The following RELN variants were observed in gnomAD, a reference collection of about 807,000 sequenced individuals.
RELN encodes the protein reelin.
A neutral mutation model predicts 427.6 loss-of-function variants in RELN; 108 were observed. That is an observed-to-expected ratio of 0.25 (90% CI 0.22 to 0.30). The LOEUF is 0.30. Ranked by LOEUF, RELN falls within the 10% of genes least tolerant of loss-of-function variation. RELN has a pLI of 1.00. For missense variants in RELN, 3,715 were observed against 4,302.8 expected (o/e 0.86, Z 3.82); for synonymous variants, 1,524 against 1,513.4 (o/e 1.01, Z -0.16).
At position 103,563,879 on chromosome 7, in the gene RELN, C is replaced by T. The variant is rs1031348737; in HGVS notation, c.5210+1399G>A. On this transcript the variant is annotated intron_variant, in intron 34 of 64. Transcript: ENST00000428762. This position sits in a 1 kb window ranked among gnomAD's most constrained non-coding sequence, Gnocchi z 4.1. ...GTATTTAGTATAGCAATATGCTGTA[C>T]AGCTTTGTAGCTGAGGAGCAATAGG... Among the ~76,000 whole-genome samples, 1 of 152,186 alleles carries T rather than the reference C, an allele frequency of 6.6e-6. No homozygotes were observed. Among genetic ancestry groups the T allele is most frequent in the African/African-American group, 2.4e-5 (1 of 41,446 alleles).
At chr7:103,855,547 G>C (rs1793925443) in intron 2 of RELN, among the ~76,000 whole-genome samples, 1 of 152,162 alleles carries the variant, frequency 6.6e-6, no homozygotes, top group Admixed American at 6.5e-5. Context: ...AAGAAGAGAG[G>C]CAGAAAGGAT....
At chr7:103,905,672 CCACAGGAGTGAAGATGACTT>C (rs11269380) in intron 2 of RELN, among the ~76,000 whole-genome samples, 136,763 of 150,778 alleles carry the variant, frequency 0.91, 62,266 homozygotes, top group East Asian at 1. Context: ...TGGTAATGTG[CCACAGGAGTGAAGATGACTT>C]CACAGGAGTG....
intron 3 of RELN, among the ~76,000 whole-genome samples, chr7:103,811,568 C>T (rs1363329211): frequency 3.9e-5 from 6 of 152,140 alleles, no homozygotes; most frequent in South Asian, 4.1e-4. Context: ...GTGCATAGCA[C>T]GGGCCTATAA....
rs1427803899 is a variant in RELN at position 103,495,916 on chromosome 7, A to G, written c.9194-18T>C. On this transcript the variant is annotated intron_variant, in intron 56 of 64. Transcript: ENST00000428762. ...AGTGCCTTCTGTTAAGGAAAATTGG[A>G]AGCAATATGGCATATTATTCTCTTG... 1.9e-6 allele frequency: 3 copies of G among 1,613,068 alleles called. No individual in the cohort carries two copies. Among genetic ancestry groups the G allele is most frequent in the African/African-American group, 2.7e-5 (2 of 74,906 alleles).
intron 6 of RELN, among the ~76,000 whole-genome samples, chr7:103,745,642 A>G (rs1297624642): frequency 1.3e-5 from 2 of 151,408 alleles, no homozygotes; most frequent in Non-Finnish European, 2.9e-5. Context: ...AGAGAGCCAA[A>G]TCATGAGTGA....
chr7:103,475,076 T>C (rs1256306496), intron 64 of RELN, among the ~76,000 whole-genome samples: 2 of 152,204 alleles, frequency 1.3e-5, no homozygotes, highest in Non-Finnish European at 2.9e-5. Flanking sequence ...CCTTTATTTT[T>C]CTACATTCCT....
intron 8 of RELN, among the ~76,000 whole-genome samples, chr7:103,717,228 C>T (rs956078352): frequency 7.3e-5 from 11 of 151,182 alleles, no homozygotes; most frequent in African/African-American, 2.7e-4. Flanking sequence ...AGAATATTCT[C>T]TTTTATTACT....
At chr7:103,641,855 C>T (rs571667728) in intron 16 of RELN, among the ~76,000 whole-genome samples, 1 of 152,156 alleles carries the variant, frequency 6.6e-6, no homozygotes, top group Admixed American at 6.5e-5. Flanking sequence ...GATTGTTTTC[C>T]CAGCACACTT....
chr7:103,931,672 T>A (rs16873008), intron 1 of RELN, among the ~76,000 whole-genome samples: 1 of 152,192 alleles, frequency 6.6e-6, no homozygotes, highest in African/African-American at 2.4e-5. Flanking sequence ...AATTTTGTGA[T>A]AGCTATTAGA....
Position 103,593,942 on chromosome 7 carries a change from GA to G in RELN, c.3712-61del, listed in dbSNP as rs373776646. The G allele has an allele frequency of 5.6e-5, 74 of 1,317,742 alleles. No individual in the cohort carries two copies. In the East Asian group the frequency reaches 1.6e-3, roughly 28 times the overall value. The allele number at this position is 1,317,742 out of a possible 1,614,324, so 81.6% of individuals were successfully genotyped here. On this transcript the variant is annotated intron_variant, in intron 26 of 64. Transcript: ENST00000428762. The stretch of plus-strand genomic sequence containing the variant: ...TTTGATAGCTTTGAAAACAAGAAAG[GA>G]ATTTTCATTTCATGACATGCTGGGC...
intron 24 of RELN, among the ~76,000 whole-genome samples, chr7:103,599,039 G>C (rs1433512952): frequency 6.6e-6 from 1 of 152,076 alleles, no homozygotes; most frequent in Non-Finnish European, 1.5e-5. Context: ...CTGCTTTAAG[G>C]GTTTAGCTAA....
At chr7:103,899,255 C>T (rs1795029092) in intron 2 of RELN, among the ~76,000 whole-genome samples, 2 of 152,012 alleles carry the variant, frequency 1.3e-5, no homozygotes, top group South Asian at 4.1e-4. Context: ...GAAGTAGAAT[C>T]CCTGAATAAA....
At chr7:103,736,897 T>G (rs908373183) in intron 6 of RELN, among the ~76,000 whole-genome samples, 4 of 151,926 alleles carry the variant, frequency 2.6e-5, no homozygotes, top group African/African-American at 9.7e-5. Flanking sequence ...AGCAATTACA[T>G]CATGATAGAA....
At chr7:103,607,822 G>A (rs1319741123) in intron 22 of RELN, among the ~76,000 whole-genome samples, 1 of 152,162 alleles carries the variant, frequency 6.6e-6, no homozygotes, top group Non-Finnish European at 1.5e-5. Flanking sequence ...CTCATTAGGT[G>A]TTGATTTGTT....
chr7:103,646,949 G>A (rs139068762), intron 16 of RELN, among the ~76,000 whole-genome samples: 1 of 151,602 alleles, frequency 6.6e-6, no homozygotes, highest in East Asian at 1.9e-4. Flanking sequence ...ATGCAAGGAT[G>A]GCTCAACCTA....
intron 51 of RELN, among the ~76,000 whole-genome samples, chr7:103,507,099 C>A (rs1829239918): frequency 6.6e-6 from 1 of 151,844 alleles, no homozygotes; most frequent in African/African-American, 2.4e-5. Flanking sequence ...ATTTTTAACA[C>A]CGCACTGTCA....
At position 103,604,442 on chromosome 7, in the gene RELN, G is replaced by A; in HGVS notation, c.3050C>T (p.Thr1017Ile). ...TRFRWSQSYY[T>I]AQDEWALDSI... ...GTCCAAAGCCCACTCGTCTTGAGCT[G>A]TGTAATAGCTCTGGCTCCAGCGGAA... is the stretch of plus-strand genomic sequence containing the variant. The change falls in exon 23 of 65, where the codon ACA becomes ATA. Residue 1017 changes from threonine (T) to isoleucine (I), a missense_variant. By Grantham distance (89) the Thr-to-Ile change is moderately conservative (BLOSUM62 -1). Around this residue, in one of 4 missense-constraint regions of RELN, gnomAD observed 2,208 missense variants for 2,361.7 expected, o/e 0.93. Transcript: ENST00000428762. 1 of 1,613,826 alleles carries A rather than the reference G, an allele frequency of 6.2e-7. No individual in the cohort carries two copies. The highest frequency in any genetic ancestry group is 1.1e-5 in the South Asian group (1 of 91,080).
chr7:103,504,336 C>T (rs1466927254), intron 51 of RELN: 2 of 151,298 alleles, frequency 1.3e-5, no homozygotes, highest in Non-Finnish European at 2.9e-5. Flanking sequence ...TTGCTTAAGT[C>T]ATAATGATTT....
intron 2 of RELN, among the ~76,000 whole-genome samples, chr7:103,911,728 A>G (rs1282907147): frequency 7.0e-6 from 1 of 142,350 alleles, no homozygotes; most frequent in Non-Finnish European, 1.5e-5. Context: ...ATTGGAAATC[A>G]TCATTCTCAG....
Sources: allele counts gnomAD v4.1 joint callset (sites outside exome capture counted in the v4.1 genomes callset), GRCh38; gene constraint gnomAD v4.1.1; regional missense constraint gnomAD v4.1.1; non-coding constraint Gnocchi (gnomAD v3.1); transcripts MANE v1.5; gene names NCBI Gene and HGNC (gene_info 2026-07-23, HGNC 2026-07-21).